The following NCAM1 variants were observed in gnomAD, a reference collection of about 807,000 sequenced individuals.
NCAM1 encodes the protein antigen recognized by monoclonal antibody 5.1H11.
Under a neutral mutation model 109.8 loss-of-function variants are expected in NCAM1, and 14 were observed. The observed-to-expected ratio is 0.13, with a 90% confidence interval of 0.08 to 0.20. The LOEUF (loss-of-function observed/expected upper bound fraction) is 0.20. NCAM1 is among the 10% of genes least tolerant of loss of function. The pLI, the probability that NCAM1 is intolerant of heterozygous loss-of-function variation, is 1.00. For missense variants in NCAM1, 774 were observed against 1,109.9 expected (o/e 0.70, Z 4.30); for synonymous variants, 418 against 442.9 (o/e 0.94, Z 0.70).
At chr11:113,269,773 C>A in intron 17 of NCAM1, 1 of 239,502 alleles carries the variant, frequency 4.2e-6, no homozygotes, top group Non-Finnish European at 8.2e-6. Flanking sequence ...TCCCTGAGCA[C>A]TTGAGGAGCC....
chr11:113,248,739 G>A lies in NCAM1; in HGVS notation c.1828+2369G>A, dbSNP rs73572717. ...AGCGTTTACAGAATCCAGCAGCACTGCGTGAAGTGTGGCGACTCAGAAGGA... is the reference window on the plus strand; with the variant it reads ...AGCGTTTACAGAATCCAGCAGCACTACGTGAAGTGTGGCGACTCAGAAGGA... On this transcript the variant is annotated intron_variant, in intron 15 of 19. Transcript: ENST00000316851. 9.6e-3 allele frequency among the ~76,000 whole-genome samples: 1,455 copies of A among 152,312 alleles called. 20 individuals are homozygous for A. The highest frequency in any genetic ancestry group is 0.033 in the African/African-American group (1,373 of 41,570).
chr11:113,185,079 T>TATATATATATATAGAGAGAG lies in NCAM1; in HGVS notation c.53-17299_53-17298insTATATATATATAGAGAGAGA. On this transcript the variant is annotated intron_variant, in intron 1 of 19. Transcript: ENST00000316851. ...GTGTGCATTTATATTTATATATATA[T>TATATATATATATAGAGAGAG]AGAGAGAGAGAGAGAGAGAGAGAGA... Among the ~76,000 whole-genome samples, 161 of 125,696 alleles carry TATATATATATATAGAGAGAG rather than the reference T, an allele frequency of 1.3e-3. 2 individuals are homozygous for TATATATATATATAGAGAGAG. Among genetic ancestry groups the TATATATATATATAGAGAGAG allele is most frequent in the African/African-American group, 2.7e-3 (85 of 31,640 alleles). 82.5% of individuals were successfully genotyped at this position (125,696 alleles called of 152,430 possible).
intron 14 of NCAM1, among the ~76,000 whole-genome samples, chr11:113,239,957 G>A (rs1945278004): frequency 6.6e-6 from 1 of 152,176 alleles, no homozygotes; most frequent in African/African-American, 2.4e-5. Context: ...TTTTGTGACT[G>A]CTGATGGGAC....
At chr11:113,106,901 G>A (rs1940198573) in intron 1 of NCAM1, among the ~76,000 whole-genome samples, 1 of 152,210 alleles carries the variant, frequency 6.6e-6, no homozygotes, top group Non-Finnish European at 1.5e-5. Context: ...ATGTGGTGTG[G>A]ACTAAGACAC....
chr11:113,268,514 G>C (rs1373335719), intron 17 of NCAM1, among the ~76,000 whole-genome samples: 2 of 152,194 alleles, frequency 1.3e-5, no homozygotes, highest in East Asian at 1.9e-4. Flanking sequence ...CTGCACCCAG[G>C]GGTCTCAGGA....
At chr11:113,143,162 T>C (rs761619341) in intron 1 of NCAM1, among the ~76,000 whole-genome samples, 1 of 151,942 alleles carries the variant, frequency 6.6e-6, no homozygotes, top group South Asian at 2.1e-4. Flanking sequence ...AGTGCAATTA[T>C]CCCTCCGAAA....
intron 1 of NCAM1, among the ~76,000 whole-genome samples, chr11:113,104,207 T>TGGGGGGG (rs1345382907): frequency 3.6e-4 from 7 of 19,264 alleles, no homozygotes; most frequent in Non-Finnish European, 5.0e-4. Context: ...GGAGGTGGGG[T>TGGGGGGG]GGGGGGGGGG....
intron 1 of NCAM1, among the ~76,000 whole-genome samples, chr11:113,000,824 A>G (rs1555072275): frequency 6.7e-5 from 1 of 14,940 alleles, no homozygotes; most frequent in African/African-American, 4.2e-4. Flanking sequence ...ATACATATAT[A>G]TATATATATA....
chr11:113,046,867 A>T (rs2135369406), intron 1 of NCAM1, among the ~76,000 whole-genome samples: 1 of 79,012 alleles, frequency 1.3e-5, no homozygotes, highest in African/African-American at 5.2e-5. Flanking sequence ...GAAGAAAGAA[A>T]GGAAGGAAGG....
At chr11:113,220,159 CTGTAAGGAGA>C (rs1944642592) in intron 8 of NCAM1, among the ~76,000 whole-genome samples, 1 of 152,124 alleles carries the variant, frequency 6.6e-6, no homozygotes, top group Non-Finnish European at 1.5e-5. Context: ...AACAGATAAA[CTGTAAGGAGA>C]ATAGATTCCC....
Position 113,265,393 on chromosome 11 carries a change from G to A in NCAM1, c.2132-4795G>A, listed in dbSNP as rs113545116. Among the ~76,000 whole-genome samples the A allele has an allele frequency of 1.2e-4, 19 of 152,314 alleles. 2 individuals are homozygous for A. The highest frequency in any genetic ancestry group is 4.6e-4 in the African/African-American group (19 of 41,580). ...CTAAGAGCTGTTAAGAGGCATTGCT[G>A]CCTTGGAGTCCCCAGCAGGCAGTGG... On this transcript the variant is annotated intron_variant, in intron 17 of 19. Transcript: ENST00000316851.
At chr11:113,177,924 G>A (rs1351472747) in intron 1 of NCAM1, among the ~76,000 whole-genome samples, 1 of 152,044 alleles carries the variant, frequency 6.6e-6, no homozygotes, top group African/African-American at 2.4e-5. Flanking sequence ...TCCCTCAAAA[G>A]GAATGCCTAC....
At chr11:113,134,457 CTG>C (rs1941526659) in intron 1 of NCAM1, among the ~76,000 whole-genome samples, 1 of 152,184 alleles carries the variant, frequency 6.6e-6, no homozygotes, top group Non-Finnish European at 1.5e-5. Flanking sequence ...AACTTTCCCA[CTG>C]TATCTTTTGA....
chr11:113,249,898 G>T (rs1555120943), intron 15 of NCAM1, among the ~76,000 whole-genome samples: 1 of 152,152 alleles, frequency 6.6e-6, no homozygotes, highest in Non-Finnish European at 1.5e-5. Flanking sequence ...AATTCCTCAG[G>T]AAACTGGTGC....
At chr11:112,967,658 GA>G (rs1390963718) in intron 1 of NCAM1, among the ~76,000 whole-genome samples, 3 of 152,158 alleles carry the variant, frequency 2.0e-5, no homozygotes, top group Admixed American at 6.5e-5. Flanking sequence ...TATGGATCTG[GA>G]AAAAATAATT....
rs115635921 is a variant in NCAM1 at position 112,983,512 on chromosome 11, A to G, written c.52+21848A>G. 3.5e-3 allele frequency among the ~76,000 whole-genome samples: 535 copies of G among 152,090 alleles called. 5 individuals carry two copies. The highest frequency in any genetic ancestry group is 0.012 in the African/African-American group (516 of 41,540). On this transcript the variant is annotated intron_variant, in intron 1 of 19. Transcript: ENST00000316851. ...CCTAGAAAAGTTTTAAGAACTGACAATTAAGCAGATTATATGGGAACCCAG... is the reference window on the plus strand; with the variant it reads ...CCTAGAAAAGTTTTAAGAACTGACAGTTAAGCAGATTATATGGGAACCCAG...
rs1384627778 is a variant in NCAM1, at chr11:112,979,637, T to A, written c.52+17973T>A. ...ATCTCCTGTTTTCAGGAAAACCCAATCTGTTTTGGGATCTATCTGCTTCTT... is the reference window on the plus strand; with the variant it reads ...ATCTCCTGTTTTCAGGAAAACCCAAACTGTTTTGGGATCTATCTGCTTCTT... On this transcript the variant is annotated intron_variant, in intron 1 of 19. Transcript: ENST00000316851. Among the ~76,000 whole-genome samples the A allele has an allele frequency of 2.6e-4, 39 of 151,850 alleles. 1 individual carries two copies. Among genetic ancestry groups the A allele is most frequent in the Non-Finnish European group, 1.5e-5 (1 of 67,844 alleles).
intron 7 of NCAM1, among the ~76,000 whole-genome samples, chr11:113,213,377 C>G (rs1215911377): frequency 6.6e-6 from 1 of 152,300 alleles, no homozygotes; most frequent in East Asian, 1.9e-4. Flanking sequence ...ATTCAATTTT[C>G]TCTAATGTTT....
At chr11:113,224,558 C>T (rs933560963) in intron 9 of NCAM1, among the ~76,000 whole-genome samples, 3 of 152,232 alleles carry the variant, frequency 2.0e-5, no homozygotes, top group Non-Finnish European at 4.4e-5. Context: ...ACTTAAATGT[C>T]CCTGTCTGAC....
Sources: gnomAD v4.1 joint callset for allele counts (sites outside exome capture counted in the v4.1 genomes callset) on GRCh38, gnomAD v4.1.1 for gene constraint, MANE v1.5 for transcripts, NCBI Gene and HGNC (gene_info 2026-07-23, HGNC 2026-07-21) for gene names.